Variants in RAP1GAP2 observed in about 807,000 individuals in gnomAD.
RAP1GAP2 encodes the protein RAP1 GTPase activating protein 2, also known as rap1 GTPase-activating protein 2.
A neutral mutation model predicts 95.0 loss-of-function variants in RAP1GAP2; 27 were observed. The ratio of observed to expected loss-of-function variants is 0.28; its 90% confidence interval spans 0.21 to 0.39. The LOEUF (loss-of-function observed/expected upper bound fraction) is 0.39. Ranked by LOEUF, RAP1GAP2 falls within the 10% of genes least tolerant of loss-of-function variation. The pLI, the probability that RAP1GAP2 is intolerant of heterozygous loss-of-function variation, is 1.00. For synonymous variants in RAP1GAP2, 373 were observed against 380.9 expected (o/e 0.98, Z 0.24); for missense variants, 771 against 970.0 (o/e 0.79, Z 2.72).
At chr17:2,927,026 A>G (rs1162217102) in intron 3 of RAP1GAP2, among the ~76,000 whole-genome samples, 1 of 149,576 alleles carries the variant, frequency 6.7e-6, no homozygotes, top group Non-Finnish European at 1.5e-5. Context: ...AAAAAAAAAA[A>G]AGATATTGCC....
rs770088086 is a variant in RAP1GAP2 at position 2,821,137 on chromosome 17, G to A, written c.80+20587G>A. Among the ~76,000 whole-genome samples, 13 of 151,962 alleles carry A rather than the reference G, an allele frequency of 8.6e-5. No individual in the cohort carries two copies. In the East Asian group the frequency reaches 1.4e-3, roughly 16 times the overall value. ...AGATCGCTGTGTCTGAGCCTCCCTC[G>A]AGTCCCTCTCCACAGGCCCAGGGAT... On this transcript the variant is annotated intron_variant, in intron 2 of 24. Transcript: ENST00000254695.
chr17:2,911,689 T>C, intron 3 of RAP1GAP2, among the ~76,000 whole-genome samples: 1 of 7,192 alleles, frequency 1.4e-4, no homozygotes. Context: ...TGTGGGGAGG[T>C]GGGGTGGGAT....
intron 2 of RAP1GAP2, among the ~76,000 whole-genome samples, chr17:2,869,455 A>G (rs1479881068): frequency 6.6e-6 from 1 of 152,066 alleles, no homozygotes; most frequent in Non-Finnish European, 1.5e-5. Context: ...AAAAAAACCT[A>G]AACAAACTTT....
chr17:2,794,776 G>A (rs1390779873), upstream of RAP1GAP2, among the ~76,000 whole-genome samples: 1 of 152,058 alleles, frequency 6.6e-6, no homozygotes, highest in African/African-American at 2.4e-5. Context: ...CGGAGTCTAG[G>A]ACCTTCACAG....
At chr17:2,969,448 C>T (rs768479291) in intron 8 of RAP1GAP2, among the ~76,000 whole-genome samples, 7 of 145,454 alleles carry the variant, frequency 4.8e-5, no homozygotes, top group African/African-American at 1.3e-4. Context: ...CACACACACA[C>T]AATAAATAAA....
intron 4 of RAP1GAP2, among the ~76,000 whole-genome samples, chr17:2,960,148 A>C (rs1259414149): frequency 6.6e-6 from 1 of 150,596 alleles, no homozygotes; most frequent in Non-Finnish European, 1.5e-5. Context: ...AAAACAACAA[A>C]AAAAGACAAT....
chr17:2,931,070 C>T lies in RAP1GAP2; in HGVS notation c.165+25702C>T, dbSNP rs139611061. Among the ~76,000 whole-genome samples, 578 of 147,634 alleles carry T rather than the reference C, an allele frequency of 3.9e-3. 2 individuals carry two copies. Among genetic ancestry groups the T allele is most frequent in the African/African-American group, 0.014 (546 of 39,650 alleles). On this transcript the variant is annotated intron_variant, in intron 3 of 24. Coordinates refer to ENST00000254695, the MANE Select transcript of RAP1GAP2 (RefSeq NM_015085.5). ...CTGGGAGGCAGGGGCTGCAGTGAGC[C>T]GAGATCGTGCCCTTGCACTCTGGCC...
chr17:2,980,544 G>A (rs1357951028), intron 9 of RAP1GAP2, among the ~76,000 whole-genome samples, 179 bp downstream of exon 9: 4 of 152,198 alleles, frequency 2.6e-5, no homozygotes, highest in Non-Finnish European at 5.9e-5. Flanking sequence ...AGATGCCTCT[G>A]TCTTTCCTAC....
chr17:2,889,863 G>GTATATATATATATATACATATATATA (rs2073631275), intron 2 of RAP1GAP2, among the ~76,000 whole-genome samples: 1 of 79,862 alleles, frequency 1.3e-5, no homozygotes, highest in African/African-American at 5.1e-5. Context: ...TTATGTGTGT[G>GTATATATATATATATACATATATATA]TATATATATA....
In RAP1GAP2 at chr17:2,963,836, G is replaced by T. The variant is rs377088785; in HGVS notation, c.280-20G>T. The T allele has an allele frequency of 1.6e-4, 244 of 1,559,608 alleles. No individual in the cohort carries two copies. The African/African-American group carries it at 2.9e-3, about 18-fold the overall frequency. ...CCCCTGCGGTCCCAGGGGAGCGCAC[G>T]ACCCTCCCTCTGCCTTCAGGTTGTG... On this transcript the variant is annotated intron_variant, in intron 6 of 24. Coordinates refer to ENST00000254695, the MANE Select transcript of RAP1GAP2 (RefSeq NM_015085.5). This position sits in a 1 kb window ranked among gnomAD's most constrained non-coding sequence, Gnocchi z 4.8.
At chr17:2,856,179 G>A (rs1218510113) in intron 2 of RAP1GAP2, among the ~76,000 whole-genome samples, 2 of 152,160 alleles carry the variant, frequency 1.3e-5, no homozygotes, top group African/African-American at 4.8e-5. Flanking sequence ...GCCTGGGCCT[G>A]CTTTGAGGGC....
intron 17 of RAP1GAP2, among the ~76,000 whole-genome samples, chr17:3,012,389 A>T (rs554854631): frequency 6.6e-6 from 1 of 152,070 alleles, no homozygotes; most frequent in Non-Finnish European, 1.5e-5. Context: ...AGGCCGAGGC[A>T]GGTGGATCAC....
chr17:2,967,459 C>A (rs1324930278), intron 8 of RAP1GAP2, among the ~76,000 whole-genome samples: 1 of 152,132 alleles, frequency 6.6e-6, no homozygotes, highest in Non-Finnish European at 1.5e-5. Flanking sequence ...CTAGAAGAAT[C>A]CTGTCCTCTT....
At chr17:2,947,343 G>C (rs1333604833) in intron 3 of RAP1GAP2, among the ~76,000 whole-genome samples, 1 of 152,070 alleles carries the variant, frequency 6.6e-6, no homozygotes, top group African/African-American at 2.4e-5. Flanking sequence ...CTGGGCATAG[G>C]GTTGGCCATC....
chr17:2,876,031 G>T (rs894240565), intron 2 of RAP1GAP2, among the ~76,000 whole-genome samples: 7 of 151,050 alleles, frequency 4.6e-5, no homozygotes, highest in Admixed American at 6.6e-5. Context: ...TCCGCCCCCC[G>T]GGTTCACGCC....
rs548959308 is a variant in RAP1GAP2, at chr17:3,021,624, G to A, written c.1751+1029G>A. On this transcript the variant is annotated intron_variant, in intron 19 of 24. Transcript: ENST00000254695. ...TAATTTTTGTAATTTTGGTAGAGAC[G>A]GGGTTTTGCCATGTTGGCCAGGCTA... Among the ~76,000 whole-genome samples the A allele has an allele frequency of 5.3e-5, 8 of 151,988 alleles. No homozygotes were observed. The South Asian group carries it at 8.3e-4, about 16-fold the overall frequency.
intron 2 of RAP1GAP2, among the ~76,000 whole-genome samples, chr17:2,811,242 A>G (rs2151498677): frequency 6.6e-6 from 1 of 152,290 alleles, no homozygotes; most frequent in African/African-American, 2.4e-5. Context: ...GGCACCCTGC[A>G]GGAGCCCCAT....
intron 12 of RAP1GAP2, among the ~76,000 whole-genome samples, chr17:2,992,164 C>CT (rs11454789): frequency 0.26 from 34,543 of 134,684 alleles, 4,761 homozygotes; most frequent in Non-Finnish European, 0.32. Context: ...ACAGTCTATG[C>CT]TTTTTTTTTT....
At chr17:2,908,510 T>C (rs914172804) in intron 3 of RAP1GAP2, among the ~76,000 whole-genome samples, 4 of 151,986 alleles carry the variant, frequency 2.6e-5, no homozygotes, top group African/African-American at 7.2e-5. Context: ...GATGGAAGCC[T>C]GACTCGGAGG....
Sources: gnomAD v4.1 joint callset for allele counts (sites outside exome capture counted in the v4.1 genomes callset) on GRCh38, gnomAD v4.1.1 for gene constraint, Gnocchi (gnomAD v3.1) non-coding constraint, MANE v1.5 for transcripts, NCBI Gene and HGNC (gene_info 2026-07-23, HGNC 2026-07-21) for gene names.